Variants in CADM2 observed in about 807,000 individuals in gnomAD.
The protein encoded by CADM2 is cell adhesion molecule 2.
Under a neutral mutation model 49.8 loss-of-function variants are expected in CADM2, and 12 were observed. The observed-to-expected ratio is 0.24, with a 90% confidence interval of 0.15 to 0.39. The LOEUF (loss-of-function observed/expected upper bound fraction) is 0.39, where lower values mean the gene tolerates loss of function less well. Ranked by LOEUF, CADM2 falls within the 10% of genes least tolerant of loss-of-function variation. The probability of loss-of-function intolerance (pLI) is 1.00; values close to 1 mark genes in which losing one functional copy is unlikely to be tolerated. For missense variants in CADM2, 378 were observed against 492.3 expected, an observed-to-expected ratio of 0.77 and a Z score of 2.20; for synonymous variants, 214 against 175.4, an observed-to-expected ratio of 1.22 and a Z score of -1.74.
chr3:86,013,044 A>G lies in CADM2; in HGVS notation c.970+51397A>G, dbSNP rs541357222. The G allele has an allele frequency of 4.4e-6, 5 of 1,130,630 alleles. No individual in the cohort carries two copies. In the East Asian group the frequency reaches 1.2e-4, roughly 27 times the overall value. The allele number at this position is 1,130,630 out of a possible 1,614,324, so 70.0% of individuals were successfully genotyped here. Reference sequence around the variant, plus strand: ...ATGTGCCAAACATGAGACCTCTATGATCTGTAGAACTAGTCCTTATAGGAC... The same window carrying G: ...ATGTGCCAAACATGAGACCTCTATGGTCTGTAGAACTAGTCCTTATAGGAC... On this transcript the variant is annotated intron_variant, in intron 8 of 9. Transcript: ENST00000383699.
intron 2 of CADM2, among the ~76,000 whole-genome samples, chr3:85,736,570 TAGAG>T (rs2068147592): frequency 6.6e-6 from 1 of 152,058 alleles, no homozygotes; most frequent in Admixed American, 6.6e-5. Context: ...GGGTTAAAAT[TAGAG>T]GGGATAGATA....
chr3:86,041,231 A>G (rs1288208461), intron 8 of CADM2, among the ~76,000 whole-genome samples: 3 of 152,198 alleles, frequency 2.0e-5, no homozygotes, highest in Non-Finnish European at 2.9e-5. Context: ...ACACATAACA[A>G]TATTAATCTT....
At chr3:85,052,467 T>C (rs2035916955) in intron 1 of CADM2, among the ~76,000 whole-genome samples, 1 of 152,126 alleles carries the variant, frequency 6.6e-6, no homozygotes, top group Non-Finnish European at 1.5e-5. Context: ...TCTCAAACTC[T>C]ATCTGGGGTC....
chr3:85,136,752 A>G (rs552665479), intron 1 of CADM2, among the ~76,000 whole-genome samples: 1 of 152,086 alleles, frequency 6.6e-6, no homozygotes, highest in Admixed American at 6.5e-5. Flanking sequence ...GACTACCTCC[A>G]AACAGCTATT....
intron 7 of CADM2, among the ~76,000 whole-genome samples, chr3:85,950,117 C>T (rs1448459303): frequency 6.6e-6 from 1 of 150,910 alleles, no homozygotes; most frequent in African/African-American, 2.4e-5. Context: ...AAGTTGAAAA[C>T]TTTTCTGAAG....
intron 1 of CADM2, among the ~76,000 whole-genome samples, chr3:85,637,386 AG>A (rs1362122498): frequency 1.3e-5 from 2 of 150,680 alleles, no homozygotes; most frequent in African/African-American, 4.9e-5. Flanking sequence ...GTGGATCATG[AG>A]GTCAGGAGAT....
chr3:85,484,902 AC>A (rs2039356065), intron 1 of CADM2, among the ~76,000 whole-genome samples: 1 of 151,896 alleles, frequency 6.6e-6, no homozygotes, highest in Non-Finnish European at 1.5e-5. Context: ...CTCATGTCTT[AC>A]GGAGACAGGC....
At chr3:85,578,695 A>AT (rs1475562028) in intron 1 of CADM2, among the ~76,000 whole-genome samples, 1 of 152,218 alleles carries the variant, frequency 6.6e-6, no homozygotes, top group Non-Finnish European at 1.5e-5. Context: ...GGAAAAGATG[A>AT]TTGTATTCTT....
intron 8 of CADM2, among the ~76,000 whole-genome samples, chr3:85,974,831 T>C (rs916665593): frequency 2.0e-5 from 3 of 151,682 alleles, no homozygotes; most frequent in African/African-American, 7.3e-5. Context: ...TTCTGTCTGT[T>C]ATTGAAATAC....
chr3:85,201,705 G>T (rs1271423167), intron 1 of CADM2, among the ~76,000 whole-genome samples: 1 of 152,070 alleles, frequency 6.6e-6, no homozygotes, highest in Non-Finnish European at 1.5e-5. Flanking sequence ...CTAAAATTTT[G>T]TTGTCATTTC....
intron 1 of CADM2, among the ~76,000 whole-genome samples, chr3:85,105,910 C>A (rs921259189): frequency 6.8e-6 from 1 of 146,346 alleles, no homozygotes; most frequent in Admixed American, 7.1e-5. Flanking sequence ...CACATGGACA[C>A]AGGAAGGGGA....
At chr3:85,563,783 T>A (rs28530780) in intron 1 of CADM2, among the ~76,000 whole-genome samples, 173 of 152,256 alleles carry the variant, frequency 1.1e-3, no homozygotes, top group African/African-American at 4.0e-3. Flanking sequence ...GCCAAAATTC[T>A]CCATATAAAT....
intron 1 of CADM2, among the ~76,000 whole-genome samples, chr3:85,288,193 T>A (rs1025600465): frequency 1.3e-5 from 2 of 152,166 alleles, no homozygotes; most frequent in African/African-American, 4.8e-5. Flanking sequence ...TCCTTCCCTC[T>A]AAAATGCGTT....
At chr3:85,474,725 G>C (rs1300475335) in intron 1 of CADM2, among the ~76,000 whole-genome samples, 1 of 151,822 alleles carries the variant, frequency 6.6e-6, no homozygotes, top group Non-Finnish European at 1.5e-5. Context: ...TCCACTTAGA[G>C]GGTTGTTATA....
chr3:85,015,352 C>T (rs931230693), intron 1 of CADM2, among the ~76,000 whole-genome samples: 3 of 152,018 alleles, frequency 2.0e-5, no homozygotes, highest in South Asian at 2.1e-4. Context: ...TAGTTAAGAA[C>T]TTGTGATTTA....
chr3:85,894,158 T>G (rs1378601783), intron 5 of CADM2, among the ~76,000 whole-genome samples: 3 of 152,030 alleles, frequency 2.0e-5, no homozygotes, highest in Non-Finnish European at 4.4e-5. Flanking sequence ...CATAGAATAC[T>G]ATGCAGCCAT....
intron 3 of CADM2, among the ~76,000 whole-genome samples, chr3:85,819,345 G>A (rs978044552): frequency 3.9e-5 from 6 of 152,046 alleles, no homozygotes; most frequent in Non-Finnish European, 8.8e-5. Flanking sequence ...CACCCTCACA[G>A]CCACACCCAG....
At chr3:85,975,980 G>T (rs757814245) in intron 8 of CADM2, among the ~76,000 whole-genome samples, 1 of 151,408 alleles carries the variant, frequency 6.6e-6, no homozygotes, top group Non-Finnish European at 1.5e-5. Flanking sequence ...AAGACACTCT[G>T]ACACTGCCAT....
intron 1 of CADM2, among the ~76,000 whole-genome samples, chr3:85,317,039 A>G (rs1307258372): frequency 6.6e-6 from 1 of 152,024 alleles, no homozygotes; most frequent in Non-Finnish European, 1.5e-5. Flanking sequence ...TTCTGAGTAA[A>G]CTTGGAGTAC....
Sources: allele counts gnomAD v4.1 joint callset (sites outside exome capture counted in the v4.1 genomes callset), GRCh38; gene constraint gnomAD v4.1.1; transcripts MANE v1.5; gene names NCBI Gene and HGNC (gene_info 2026-07-23, HGNC 2026-07-21).